Variants in NOM1 observed in about 807,000 individuals in gnomAD.
The protein encoded by NOM1 is nucleolar protein with MIF4G domain 1.
A neutral mutation model predicts 73.3 loss-of-function variants in NOM1; 58 were observed. That is an observed-to-expected ratio of 0.79 (90% confidence interval 0.64 to 0.99). The LOEUF (loss-of-function observed/expected upper bound fraction) is 0.99. NOM1 is among the 50% of genes least tolerant of loss of function. The pLI, the probability that NOM1 is intolerant of heterozygous loss-of-function variation, is 0.00. For synonymous variants in NOM1, 487 were observed against 446.8 expected (o/e 1.09, Z -1.14); for missense variants, 1,226 against 1,131.9 (o/e 1.08, Z -1.19).
chr7:156,951,893 A>T (rs1037407403), intron 1 of NOM1, among the ~76,000 whole-genome samples: 16 of 151,960 alleles, frequency 1.1e-4, no homozygotes, highest in African/African-American at 3.9e-4. Context: ...TTTTCAGTAG[A>T]GATGGGGTTT....
intron 2 of NOM1, among the ~76,000 whole-genome samples, chr7:156,953,723 C>T (rs73172029): frequency 1.2e-4 from 19 of 152,290 alleles, no homozygotes; most frequent in Non-Finnish European, 2.2e-4. Flanking sequence ...GATTTTTGTG[C>T]CACCTAAGAA....
chr7:156,952,685 A>T (rs1183153890), intron 2 of NOM1, 87 bp downstream of exon 2: 6 of 1,413,582 alleles, frequency 4.2e-6, no homozygotes, highest in South Asian at 2.6e-5. Context: ...ATTCAAATAG[A>T]AGTGATGGGG....
intron 3 of NOM1, 115 bp from the exon 4 acceptor site, chr7:156,959,736 G>T: frequency 9.5e-7 from 1 of 1,051,838 alleles, no homozygotes; most frequent in Non-Finnish European, 1.4e-6. Flanking sequence ...ATGCCTTGTT[G>T]GAATGCCCTG....
rs748252434 is a variant in NOM1, at chr7:156,969,541, C to T, written c.2421C>T (p.Asn807=). ...GATTCCTTTCCAGAGTATCTGACAA[C>T]CCAAAGCTGGGGGTGTTACGTGAGG... The part of the protein sequence containing the change: ...LSLIFTRVSD[N]PKLGVLREGL... The change falls in exon 11 of 11, where the codon AAC becomes AAT. Residue 807 remains asparagine, a synonymous_variant. Transcript: ENST00000275820. The T allele has an allele frequency of 6.2e-7, 1 of 1,613,574 alleles. No individual in the cohort carries two copies. The highest frequency in any genetic ancestry group is 8.5e-7 in the Non-Finnish European group (1 of 1,179,734).
rs948288602 is a variant in NOM1 at position 156,963,787 on chromosome 7, A to G, written c.1912-118A>G. The stretch of plus-strand genomic sequence containing the variant: ...GTTGCCCGAGAGTGGACTTGGTGCC[A>G]TCCGCCCACGTAGACCTCACAGTTC... On this transcript the variant is annotated intron_variant, in intron 6 of 10. Transcript: ENST00000275820. 1.4e-4 allele frequency: 170 copies of G among 1,224,610 alleles called. 1 individual carries two copies. Among genetic ancestry groups the G allele is most frequent in the South Asian group, 7.3e-4 (45 of 61,954 alleles). 75.9% of individuals were successfully genotyped at this position (1,224,610 alleles called of 1,614,324 possible). A position where few individuals can be genotyped will look rare whatever the true frequency, so the allele number is the denominator to read the frequency against.
At chr7:156,958,806 C>T (rs1031195200) in intron 3 of NOM1, 8 of 152,220 alleles carry the variant, frequency 5.3e-5, no homozygotes, top group African/African-American at 1.9e-4. Flanking sequence ...TCTGGTTTAC[C>T]TGCTGGTCCC....
In NOM1 at chr7:156,954,084, T is replaced by C. The variant is rs1314511436; in HGVS notation, c.1113-19T>C. 1 of 1,590,234 alleles carries C rather than the reference T, an allele frequency of 6.3e-7. No homozygotes were observed. The highest frequency in any genetic ancestry group is 8.5e-7 in the Non-Finnish European group (1 of 1,172,470). ...TAATTGGAAACATTGTTGCTCTCTG[T>C]CTTTACAATTCTCTGCAGGTTGAGT... On this transcript the variant is annotated intron_variant, in intron 2 of 10. Transcript: ENST00000275820.
chr7:156,951,459 A>G (rs1804591373), intron 1 of NOM1, among the ~76,000 whole-genome samples: 1 of 152,164 alleles, frequency 6.6e-6, no homozygotes, highest in African/African-American at 2.4e-5. Flanking sequence ...TGCATATTTT[A>G]TCTCAGCGTT....
chr7:156,954,522 CTTTTTTTTT>C (rs34176770), intron 3 of NOM1, among the ~76,000 whole-genome samples: 2 of 101,660 alleles, frequency 2.0e-5, no homozygotes, highest in African/African-American at 4.0e-5. Context: ...TCTGTCCATT[CTTTTTTTTT>C]TTTTTTTTTT....
Position 156,963,164 on chromosome 7 carries a change from C to G in NOM1, c.1900C>G (p.Leu634Val). 2 of 1,614,084 alleles carry G rather than the reference C, an allele frequency of 1.2e-6. No homozygotes were observed. The highest frequency in any genetic ancestry group is 1.7e-6 in the Non-Finnish European group (2 of 1,180,020). ...NSHHTHLQKQ[L>V]VGTVSSKILE... ...TCACCATACGCACCTGCAGAAGCAGCTTGTGGGGACGGTAGGGACACCCAT... is the reference window on the plus strand; with the variant it reads ...TCACCATACGCACCTGCAGAAGCAGGTTGTGGGGACGGTAGGGACACCCAT... Residue 634 changes from leucine (L) to valine (V), a missense_variant, in exon 6 of 11, where the codon CTT becomes GTT. Leu to Val is a conservative substitution (Grantham distance 32). Coordinates refer to ENST00000275820, the MANE Select transcript of NOM1 (RefSeq NM_138400.2).
At position 156,960,036 on chromosome 7, in the gene NOM1, T is replaced by C. The variant is rs1563682317; in HGVS notation, c.1494T>C (p.Asp498=). ...KKLIGTFTEK[D]IELILLMLKN... is the part of the protein sequence containing the mutation. ...TGATTGGAACTTTCACCGAAAAAGA[T>C]ATTGAACTGATCTTGTTAATGCTGA... is the stretch of plus-strand genomic sequence containing the variant. The change falls in exon 4 of 11, where the codon GAT becomes GAC. Residue 498 remains aspartate, a synonymous_variant. Coordinates refer to ENST00000275820, the MANE Select transcript of NOM1 (RefSeq NM_138400.2). 3.7e-6 allele frequency: 6 copies of C among 1,614,204 alleles called. No individual in the cohort carries two copies. The highest frequency in any genetic ancestry group is 3.3e-4 in the Middle Eastern group (2 of 6,062).
rs1047048432 is a variant in NOM1 at position 156,967,219 on chromosome 7, C to G, written c.2298+127C>G. On this transcript the variant is annotated intron_variant, in intron 9 of 10. Transcript: ENST00000275820. ...TTCTGATTCATCTGAAAAGTGCTTG[C>G]ATTATCCTAGCCAGGACAGAAAACG... 9.7e-6 allele frequency: 11 copies of G among 1,132,634 alleles called. No individual in the cohort carries two copies. In the African/African-American group the frequency reaches 1.3e-4, roughly 13 times the overall value. 70.2% of individuals were successfully genotyped at this position (1,132,634 alleles called of 1,614,324 possible).
At chr7:156,962,012 C>T in intron 4 of NOM1, 139 bp from the exon 5 acceptor site, 1 of 696,756 alleles carries the variant, frequency 1.4e-6, no homozygotes, top group Non-Finnish European at 2.6e-6. Flanking sequence ...TAGACTGTCT[C>T]TACCTAAAGG....
At position 156,956,315 on chromosome 7, in the gene NOM1, C is replaced by G. The variant is rs112553239; in HGVS notation, c.1308+2017C>G. Among the ~76,000 whole-genome samples the G allele has an allele frequency of 8.5e-3, 1,289 of 152,198 alleles. 22 individuals carry two copies. Among genetic ancestry groups the G allele is most frequent in the African/African-American group, 0.029 (1,194 of 41,512 alleles). On this transcript the variant is annotated intron_variant, in intron 3 of 10. Coordinates refer to ENST00000275820, the MANE Select transcript of NOM1 (RefSeq NM_138400.2). ...TGCCTGAGTACAAAACATGCTGTAACGCGCACGGTCTGTGTCACTTAGATG... is the reference window on the plus strand; with the variant it reads ...TGCCTGAGTACAAAACATGCTGTAAGGCGCACGGTCTGTGTCACTTAGATG...
rs1223170732 is a variant in NOM1 at position 156,950,523 on chromosome 7, G to C, written c.786G>C (p.Glu262Asp). The C allele has an allele frequency of 6.2e-7, 1 of 1,614,140 alleles. No homozygotes were observed. The highest frequency in any genetic ancestry group is 1.1e-5 in the South Asian group (1 of 91,086). Residue 262 changes from glutamate to aspartate, a missense_variant, in exon 1 of 11, where the codon GAG becomes GAC. Coordinates refer to ENST00000275820, the MANE Select transcript of NOM1 (RefSeq NM_138400.2). ...ACTCCCAGGACGAAAGTGAGGAGGAGGAGGAGGGAGACGTAGAAAAGGAAA... is the reference window on the plus strand; with the variant it reads ...ACTCCCAGGACGAAAGTGAGGAGGACGAGGAGGGAGACGTAGAAAAGGAAA... ...ESDSQDESEE[E>D]EEGDVEKEKK...
At chr7:156,964,353 T>C in intron 7 of NOM1, 1 of 165,978 alleles carries the variant, frequency 6.0e-6, no homozygotes, top group Non-Finnish European at 1.3e-5. Context: ...CTGATGACCT[T>C]GTCAGTGGCT....
chr7:156,969,419 AT>A, intron 10 of NOM1, 109 bp from the exon 11 acceptor site: 1 of 982,984 alleles, frequency 1.0e-6, no homozygotes, highest in Non-Finnish European at 1.5e-6. Flanking sequence ...TTAATTGAGA[AT>A]TTTATTTTTA....
At chr7:156,962,931 A>C in intron 5 of NOM1, 77 bp from the exon 6 acceptor site, 1 of 1,480,758 alleles carries the variant, frequency 6.8e-7, no homozygotes. Flanking sequence ...ATGGTCAAAA[A>C]CAAAAAGCCA....
intron 3 of NOM1, among the ~76,000 whole-genome samples, chr7:156,958,279 C>A (rs920914610): frequency 6.6e-6 from 1 of 152,238 alleles, no homozygotes; most frequent in Non-Finnish European, 1.5e-5. Flanking sequence ...CTTGCTGCCC[C>A]TCACGTAGTT....
Sources: gnomAD v4.1 joint callset for allele counts (sites outside exome capture counted in the v4.1 genomes callset) on GRCh38, gnomAD v4.1.1 for gene constraint, MANE v1.5 for transcripts, NCBI Gene and HGNC (gene_info 2026-07-23, HGNC 2026-07-21) for gene names.